RPH3AL: variants seen among roughly 807,000 people sequenced by gnomAD.
RPH3AL encodes rab effector Noc2.
A neutral mutation model predicts 43.1 loss-of-function variants in RPH3AL; 38 were observed. The ratio of observed to expected loss-of-function variants is 0.88; its 90% CI spans 0.68 to 1.15. The LOEUF (loss-of-function observed/expected upper bound fraction) is 1.15, where lower values mean the gene tolerates loss of function less well. Among genes scored for constraint, RPH3AL ranks in the 50% most tolerant of loss-of-function variants. The pLI is 0.00. For synonymous variants in RPH3AL, 189 were observed against 176.3 expected (o/e 1.07, Z -0.57); for missense variants, 462 against 423.2 (o/e 1.09, Z -0.81).
At chr17:243,455 TTACCTTCCTCTATTGAC>T (rs1567577988) in intron 7 of RPH3AL, among the ~76,000 whole-genome samples, 32 of 122,134 alleles carry the variant, frequency 2.6e-4, no homozygotes, top group African/African-American at 6.1e-4. Context: ...CCTCTATTGA[TTACCTTCCTCTATTGAC>T]TACCTTCCTC....
intron 7 of RPH3AL, among the ~76,000 whole-genome samples, chr17:222,842 T>C (rs2041023817): frequency 6.6e-6 from 1 of 152,158 alleles, no homozygotes; most frequent in Non-Finnish European, 1.5e-5. Flanking sequence ...GTTTCCACAG[T>C]TGTCCTGCCC....
chr17:247,021 G>T, intron 7 of RPH3AL, 90 bp downstream of exon 7: 2 of 1,393,948 alleles, frequency 1.4e-6, no homozygotes, highest in South Asian at 1.2e-5. Flanking sequence ...TGGAGGGTGC[G>T]GGGGACTGGC....
intron 6 of RPH3AL, among the ~76,000 whole-genome samples, chr17:268,834 G>A (rs2042385947): frequency 6.6e-6 from 1 of 151,972 alleles, no homozygotes; most frequent in South Asian, 2.1e-4. Context: ...GAGTAGCTGG[G>A]ACTATAGGTT....
chr17:219,659 T>A lies in RPH3AL; in HGVS notation c.691A>T (p.Arg231Trp), dbSNP rs1180175646. 5 of 1,611,812 alleles carry A rather than the reference T, an allele frequency of 3.1e-6. No individual in the cohort carries two copies. Among genetic ancestry groups the A allele is most frequent in the Non-Finnish European group, 4.2e-6 (5 of 1,179,154 alleles). ...CAGGGTTTGTCGCCTTTCCGGTCCC[T>A]GACCCCAGTGGATGGGAGTCTGTCC... is the stretch of plus-strand genomic sequence containing the variant. Reference protein sequence around the residue: ...LEDRLPSTGVRDRKGDKPWKE... With the variant: ...LEDRLPSTGVWDRKGDKPWKE... The change falls in exon 8 of 10, where the codon AGG becomes TGG. Residue 231 changes from arginine to tryptophan, a missense_variant. Physicochemically the swap from Arg to Trp is moderately radical, Grantham distance 101. Transcript: ENST00000331302.
At chr17:351,686 A>C (rs540501584) in intron 1 of RPH3AL, among the ~76,000 whole-genome samples, 1 of 152,280 alleles carries the variant, frequency 6.6e-6, no homozygotes, top group East Asian at 1.9e-4. Context: ...TCTTTACTTA[A>C]TATTTCCCTT....
intron 1 of RPH3AL, chr17:338,883 AGTCCTCAGGT>A: frequency 6.6e-6 from 1 of 152,320 alleles, no homozygotes; most frequent in East Asian, 1.9e-4. Context: ...GAAAAGGCCC[AGTCCTCAGGT>A]GTGCTGAGGG....
intron 6 of RPH3AL, among the ~76,000 whole-genome samples, chr17:268,514 G>A (rs972827635): frequency 2.0e-5 from 3 of 147,750 alleles, no homozygotes; most frequent in African/African-American, 7.4e-5. Context: ...AAGTTTTGGA[G>A]AGTTAATAGT....
At chr17:243,265 CCCTTCCTCTATTGATTA>C (rs1555537993) in intron 7 of RPH3AL, among the ~76,000 whole-genome samples, 14 of 141,310 alleles carry the variant, frequency 9.9e-5, no homozygotes, top group Middle Eastern at 3.8e-3. Flanking sequence ...CTATTGATTA[CCCTTCCTCTATTGATTA>C]CCTTCCTCTA....
intron 6 of RPH3AL, among the ~76,000 whole-genome samples, chr17:280,184 C>T (rs1333395480): frequency 1.3e-5 from 2 of 152,152 alleles, no homozygotes; most frequent in Admixed American, 6.6e-5. Context: ...CTCTGGGCTC[C>T]GAAGCAGACA....
intron 9 of RPH3AL, among the ~76,000 whole-genome samples, chr17:214,289 C>T (rs1036941444): frequency 6.6e-5 from 10 of 152,146 alleles, no homozygotes; most frequent in South Asian, 2.1e-4. Context: ...ACACAGCTTC[C>T]CCCTTTATCA....
At chr17:268,993 C>T (rs964199869) in intron 6 of RPH3AL, among the ~76,000 whole-genome samples, 9 of 152,196 alleles carry the variant, frequency 5.9e-5, no homozygotes, top group Non-Finnish European at 1.2e-4. Flanking sequence ...ATTCTCCTGC[C>T]TCAGCCTCCC....
intron 6 of RPH3AL, among the ~76,000 whole-genome samples, chr17:265,198 C>T (rs868908182): frequency 1.3e-5 from 2 of 152,152 alleles, no homozygotes; most frequent in African/African-American, 4.8e-5. Flanking sequence ...TCGATCCTCC[C>T]ACCTAGGCTT....
chr17:265,803 T>C (rs2042305853), intron 6 of RPH3AL, among the ~76,000 whole-genome samples: 1 of 152,264 alleles, frequency 6.6e-6, no homozygotes, highest in Non-Finnish European at 1.5e-5. Context: ...CCAATGTTCT[T>C]GCAGACGGGA....
intron 5 of RPH3AL, among the ~76,000 whole-genome samples, chr17:291,912 C>A (rs551922124): frequency 6.6e-6 from 1 of 152,166 alleles, no homozygotes; most frequent in South Asian, 2.1e-4. Flanking sequence ...AGATATCAGC[C>A]CAAATGGAAA....
intron 1 of RPH3AL, among the ~76,000 whole-genome samples, chr17:338,142 C>G (rs1219834526): frequency 6.6e-6 from 1 of 152,164 alleles, no homozygotes. Context: ...TGTATCAAGG[C>G]AGTCACAGAG....
At chr17:228,544 G>T (rs2151511383) in intron 7 of RPH3AL, among the ~76,000 whole-genome samples, 1 of 152,298 alleles carries the variant, frequency 6.6e-6, no homozygotes, top group Middle Eastern at 3.4e-3. Flanking sequence ...GCTGGCCCTG[G>T]GGTGCCCAGG....
At chr17:241,721 C>CTTTTTTTTTTTTTTTTTTTTTTTTTTTT (rs58397357) in intron 7 of RPH3AL, among the ~76,000 whole-genome samples, 1 of 134,012 alleles carries the variant, frequency 7.5e-6, no homozygotes. Context: ...CTTTTTTTTT[C>CTTTTTTTTTTTTTTTTTTTTTTTTTTTT]TTTTTTTTTT....
chr17:276,537 G>A (rs921629681), intron 6 of RPH3AL, among the ~76,000 whole-genome samples: 8 of 152,148 alleles, frequency 5.3e-5, no homozygotes, highest in South Asian at 2.1e-4. Flanking sequence ...GACTGCAGGC[G>A]CTCACCACGA....
rs2043021718 is a variant in RPH3AL, at chr17:290,436, C to T, written c.352-8582G>A. Among the ~76,000 whole-genome samples the T allele has an allele frequency of 6.6e-6, 1 of 152,166 alleles. No individual in the cohort carries two copies. The highest frequency in any genetic ancestry group is 6.5e-5 in the Admixed American group (1 of 15,280). On this transcript the variant is annotated intron_variant, in intron 5 of 9. Coordinates refer to ENST00000331302, the MANE Select transcript of RPH3AL (RefSeq NM_006987.4). The surrounding 1 kb of genome is among the most constrained non-coding windows in gnomAD (Gnocchi z 4.2). ...TACCAGACCATTCCCATGACGGCTCCTGCCTGCCTCCCCCGGGGTGCGTGC... is the reference window on the plus strand; with the variant it reads ...TACCAGACCATTCCCATGACGGCTCTTGCCTGCCTCCCCCGGGGTGCGTGC...
Sources: allele counts gnomAD v4.1 joint callset (sites outside exome capture counted in the v4.1 genomes callset), GRCh38; gene constraint gnomAD v4.1.1; non-coding constraint Gnocchi (gnomAD v3.1); transcripts MANE v1.5; gene names NCBI Gene and HGNC (gene_info 2026-07-23, HGNC 2026-07-21).